PIEZO2: variants seen among roughly 807,000 people sequenced by gnomAD.
PIEZO2 encodes the protein piezo-type mechanosensitive ion channel component 2.
In PIEZO2, 172 loss-of-function variants were observed where a neutral mutation model predicts 337.3. That is an observed-to-expected ratio of 0.51 (90% confidence interval 0.45 to 0.58). PIEZO2 has a LOEUF of 0.58. Among genes scored for constraint, PIEZO2 ranks in the 20% least tolerant of loss-of-function variants. The pLI, the probability that PIEZO2 is intolerant of heterozygous loss-of-function variation, is 0.00. For missense variants in PIEZO2, 3,028 were observed against 3,391.3 expected (o/e 0.89, Z 2.66); for synonymous variants, 1,251 against 1,228.5 (o/e 1.02, Z -0.38).
chr18:11,054,510 T>A (rs761184677), intron 2 of PIEZO2, among the ~76,000 whole-genome samples: 2 of 152,246 alleles, frequency 1.3e-5, no homozygotes, highest in Non-Finnish European at 2.9e-5. Context: ...GCCTGCTATA[T>A]ACATCAGGCA....
At chr18:10,879,683 C>A (rs2042362998) in intron 4 of PIEZO2, among the ~76,000 whole-genome samples, 2 of 152,178 alleles carry the variant, frequency 1.3e-5, no homozygotes, top group South Asian at 4.2e-4. Context: ...GCGTGAGCCA[C>A]CGTGCCCAGC....
At chr18:10,898,327 G>A (rs769746120) in intron 4 of PIEZO2, among the ~76,000 whole-genome samples, 141 of 152,180 alleles carry the variant, frequency 9.3e-4, no homozygotes, top group Non-Finnish European at 1.7e-3. Context: ...AGGCTGAGGG[G>A]GGAGAATGGC....
rs1487575620 is a variant in PIEZO2 at position 10,952,209 on chromosome 18, C to T, written c.286+27326G>A. 3.3e-5 allele frequency among the ~76,000 whole-genome samples: 5 copies of T among 152,268 alleles called. No individual in the cohort carries two copies. Among genetic ancestry groups the T allele is most frequent in the South Asian group, 2.1e-4 (1 of 4,820 alleles). On this transcript the variant is annotated intron_variant, in intron 3 of 55. Transcript: ENST00000674853. This position sits in a 1 kb window ranked among gnomAD's most constrained non-coding sequence, Gnocchi z 4.1. Reference sequence around the variant, plus strand: ...AATGTGTTACCACTGTGGTCGCTGGCTCTTTTTAAATCATTTTTTTTCTTA... The same window carrying T: ...AATGTGTTACCACTGTGGTCGCTGGTTCTTTTTAAATCATTTTTTTTCTTA...
intron 7 of PIEZO2, among the ~76,000 whole-genome samples, chr18:10,838,277 C>CT (rs957828342): frequency 9.9e-5 from 15 of 152,166 alleles, no homozygotes; most frequent in South Asian, 4.1e-4. Flanking sequence ...GTTTAACCAT[C>CT]TTTTTTTTAT....
chr18:11,118,326 G>A (rs2039943184), intron 1 of PIEZO2, among the ~76,000 whole-genome samples: 1 of 152,186 alleles, frequency 6.6e-6, no homozygotes, highest in Non-Finnish European at 1.5e-5. Context: ...GTCCCAGACT[G>A]GCCCTTCTTT....
At chr18:10,818,988 T>C (rs1318170907) in intron 7 of PIEZO2, among the ~76,000 whole-genome samples, 2 of 152,220 alleles carry the variant, frequency 1.3e-5, no homozygotes, top group Admixed American at 6.5e-5. Context: ...ATTTATTTTT[T>C]ATCTATATTG....
intron 1 of PIEZO2, among the ~76,000 whole-genome samples, chr18:11,095,316 C>T (rs1007830314): frequency 7.2e-5 from 11 of 152,162 alleles, no homozygotes; most frequent in Admixed American, 4.6e-4. Context: ...CCCTTTCTTG[C>T]CATGCCAGGA....
rs1166044425 is a variant in PIEZO2, at chr18:10,830,157, C to T, written c.918-22883G>A. ...AATTCATACATCTACAGTGAACTTG[C>T]TTTTGACAAAGGTGCTAAGAACATA... On this transcript the variant is annotated intron_variant, in intron 7 of 55. Transcript: ENST00000674853. This position sits in a 1 kb window ranked among gnomAD's most constrained non-coding sequence, Gnocchi z 4.7. Among the ~76,000 whole-genome samples, 1 of 152,102 alleles carries T rather than the reference C, an allele frequency of 6.6e-6. No homozygotes were observed. Among genetic ancestry groups the T allele is most frequent in the Admixed American group, 6.5e-5 (1 of 15,270 alleles).
chr18:10,680,341 T>C lies in PIEZO2; in HGVS notation c.7810A>G (p.Lys2604Glu). Reference protein sequence around the residue: ...GAMQFLENYEKEDITVAELEG... With the variant: ...GAMQFLENYEEEDITVAELEG... ...AGTTCTGCTACTGTTATGTCTTCTT[T>C]TTCATAATTTTCCAGAAATTGCATA... is the stretch of plus-strand genomic sequence containing the variant. The change falls in exon 52 of 56, where the codon AAA becomes GAA. Residue 2604 changes from lysine to glutamate, a missense_variant. By Grantham distance (56) the Lys-to-Glu change is moderately conservative. Coordinates refer to ENST00000674853, the MANE Select transcript of PIEZO2 (RefSeq NM_001378183.1). The C allele has an allele frequency of 6.2e-7, 1 of 1,613,958 alleles. No homozygotes were observed. The highest frequency in any genetic ancestry group is 8.5e-7 in the Non-Finnish European group (1 of 1,179,926).
chr18:10,944,453 T>C (rs1236044012), intron 3 of PIEZO2, among the ~76,000 whole-genome samples: 1 of 148,664 alleles, frequency 6.7e-6, no homozygotes, highest in Non-Finnish European at 1.5e-5. Context: ...CAGATATATA[T>C]ATATCTCAGT....
At position 10,716,437 on chromosome 18, in the gene PIEZO2, C is replaced by T. The variant is rs2036013777; in HGVS notation, c.5090-621G>A. ...TGATGTTCTGTGTGACAATTTCCCA[C>T]CTGTGCTGTCACTACCCTGGTGACA... On this transcript the variant is annotated intron_variant, in intron 37 of 55. Transcript: ENST00000674853. This position sits in a 1 kb window ranked among gnomAD's most constrained non-coding sequence, Gnocchi z 4.1. Among the ~76,000 whole-genome samples, 1 of 152,212 alleles carries T rather than the reference C, an allele frequency of 6.6e-6. No homozygotes were observed. Among genetic ancestry groups the T allele is most frequent in the Admixed American group, 6.5e-5 (1 of 15,286 alleles).
chr18:10,807,312 T>G, intron 7 of PIEZO2, 38 bp from the exon 8 acceptor site: 3 of 1,513,962 alleles, frequency 2.0e-6, no homozygotes, highest in Non-Finnish European at 2.7e-6. Context: ...AAAGATGCAA[T>G]AAGCTATATG....
At chr18:10,930,970 TA>T (rs2145189845) in intron 3 of PIEZO2, among the ~76,000 whole-genome samples, 1 of 152,264 alleles carries the variant, frequency 6.6e-6, no homozygotes, top group South Asian at 2.1e-4. Context: ...TTAAAATAAA[TA>T]AAGAATAGCT....
intron 44 of PIEZO2, among the ~76,000 whole-genome samples, chr18:10,698,537 T>G (rs1369576341): frequency 6.6e-6 from 1 of 152,224 alleles, no homozygotes; most frequent in Non-Finnish European, 1.5e-5. Context: ...TGGCTAAAAG[T>G]TCTCATCAAT....
chr18:10,764,703 G>T (rs2038281199), intron 21 of PIEZO2, among the ~76,000 whole-genome samples: 1 of 152,134 alleles, frequency 6.6e-6, no homozygotes, highest in South Asian at 2.1e-4. Context: ...ATTTGTCACT[G>T]TCCAATGCAA....
At chr18:10,786,168 T>C (rs1277397862) in intron 16 of PIEZO2, among the ~76,000 whole-genome samples, 2 of 152,242 alleles carry the variant, frequency 1.3e-5, no homozygotes, top group Non-Finnish European at 2.9e-5. Flanking sequence ...TCATTTATAG[T>C]TCCCCCTTAC....
intron 1 of PIEZO2, among the ~76,000 whole-genome samples, chr18:11,133,685 A>G (rs1013150291): frequency 6.6e-6 from 1 of 152,004 alleles, no homozygotes; most frequent in East Asian, 1.9e-4. Flanking sequence ...TCAGACTCCA[A>G]GTTCTTCAGT....
chr18:11,099,079 C>T lies in PIEZO2; in HGVS notation c.65-32857G>A, dbSNP rs1350432822. ...TCAGCCTCCCAAAGTGCTGGGATTA[C>T]AGGCATCAGCCACTGCACCTGGCCT... On this transcript the variant is annotated intron_variant, in intron 1 of 55. Coordinates refer to ENST00000674853, the MANE Select transcript of PIEZO2 (RefSeq NM_001378183.1). The surrounding 1 kb of genome is among the most constrained non-coding windows in gnomAD (Gnocchi z 5.4). Among the ~76,000 whole-genome samples, 1 of 151,856 alleles carries T rather than the reference C, an allele frequency of 6.6e-6. No homozygotes were observed. Among genetic ancestry groups the T allele is most frequent in the African/African-American group, 2.4e-5 (1 of 41,334 alleles).
At position 10,697,876 on chromosome 18, in the gene PIEZO2, G is replaced by A. The variant is rs751325849; in HGVS notation, c.6699C>T (p.Ser2233=). Residue 2233 remains serine, a synonymous_variant, in exon 45 of 56, where the codon AGC becomes AGT. Transcript: ENST00000674853. ...SFSSNRSQRG[S]TSTRNSSQKG... ...TTTGACTGCTGTTTCGGGTGCTTGT[G>A]CTGCCTAGAAATAAAAAGAGATCAT... is the stretch of plus-strand genomic sequence containing the variant. 8.1e-6 allele frequency: 13 copies of A among 1,610,384 alleles called. No individual in the cohort carries two copies. Among genetic ancestry groups the A allele is most frequent in the Non-Finnish European group, 9.3e-6 (11 of 1,177,682 alleles).
Sources: gnomAD v4.1 joint callset for allele counts (sites outside exome capture counted in the v4.1 genomes callset) on GRCh38, gnomAD v4.1.1 for gene constraint, Gnocchi (gnomAD v3.1) non-coding constraint, MANE v1.5 for transcripts, NCBI Gene and HGNC (gene_info 2026-07-23, HGNC 2026-07-21) for gene names.